EPHA4: variants seen among roughly 807,000 people sequenced by gnomAD.
EPHA4 encodes the protein EPH receptor A4.
A neutral mutation model predicts 108.3 loss-of-function variants in EPHA4; 19 were observed. The observed-to-expected ratio is 0.18, with a 90% CI of 0.12 to 0.26. EPHA4 has a LOEUF of 0.26. Ranked by LOEUF, EPHA4 falls within the 10% of genes least tolerant of loss-of-function variation. The pLI is 1.00. For synonymous variants in EPHA4, 449 were observed against 455.5 expected (o/e 0.99, Z 0.18); for missense variants, 917 against 1,254.0 (o/e 0.73, Z 4.06).
At chr2:221,464,751 TA>T (rs1202399774) in intron 5 of EPHA4, among the ~76,000 whole-genome samples, 1 of 152,128 alleles carries the variant, frequency 6.6e-6, no homozygotes, top group Non-Finnish European at 1.5e-5. Flanking sequence ...ATCATCAAAG[TA>T]AAAAGTCAGC....
Position 221,566,877 on chromosome 2 carries a change from G to GAA in EPHA4, c.159+1840_159+1841insTT, listed in dbSNP as rs1341148496. Among the ~76,000 whole-genome samples the GAA allele has an allele frequency of 2.1e-3, 48 of 23,084 alleles. 1 individual carries two copies. The highest frequency in any genetic ancestry group is 0.015 in the Middle Eastern group (1 of 68). 15.1% of individuals were successfully genotyped at this position (23,084 alleles called of 152,430 possible). A position where few individuals can be genotyped will look rare whatever the true frequency, so the allele number is the denominator to read the frequency against. ...AGGAGAAGAAGAAGAAGAAGAAGAA[G>GAA]GAGAAGGAGAAGGAGAAGGAGAAGG... On this transcript the variant is annotated intron_variant, in intron 2 of 17. Coordinates refer to ENST00000281821, the MANE Select transcript of EPHA4 (RefSeq NM_004438.5).
At chr2:221,524,543 T>C (rs1490426384) in intron 3 of EPHA4, among the ~76,000 whole-genome samples, 1 of 152,218 alleles carries the variant, frequency 6.6e-6, no homozygotes, top group Non-Finnish European at 1.5e-5. Context: ...GAATGTCACC[T>C]GGGAAAAGCG....
intron 5 of EPHA4, among the ~76,000 whole-genome samples, chr2:221,467,948 G>A (rs1430213): frequency 0.2 from 30,990 of 152,096 alleles, 3,419 homozygotes; most frequent in East Asian, 0.35. Context: ...CTGGAAGGCA[G>A]TTTAGAAGAA....
At chr2:221,451,440 A>AC (rs1559246519) in intron 8 of EPHA4, among the ~76,000 whole-genome samples, 2 of 152,254 alleles carry the variant, frequency 1.3e-5, no homozygotes, top group African/African-American at 2.4e-5. Flanking sequence ...TTTAAAGATC[A>AC]TTTTAAAAAA....
At chr2:221,509,815 T>C (rs941210685) in intron 3 of EPHA4, among the ~76,000 whole-genome samples, 4 of 152,238 alleles carry the variant, frequency 2.6e-5, no homozygotes, top group African/African-American at 4.8e-5. Context: ...CACTGTCTGG[T>C]GGTCTCTTTT....
intron 11 of EPHA4, among the ~76,000 whole-genome samples, chr2:221,437,685 T>G (rs56099808): frequency 0.23 from 35,049 of 149,818 alleles, 4,145 homozygotes; most frequent in African/African-American, 0.25. Flanking sequence ...GCCAAGACAG[T>G]CGGATTGCCT....
intron 3 of EPHA4, among the ~76,000 whole-genome samples, chr2:221,504,468 T>G (rs1226430001): frequency 6.6e-6 from 1 of 152,084 alleles, no homozygotes; most frequent in Non-Finnish European, 1.5e-5. Context: ...GGATTTTTGA[T>G]GCATTGATGT....
At chr2:221,436,206 A>C (rs1028940715) in intron 13 of EPHA4, among the ~76,000 whole-genome samples, 193 bp downstream of exon 13, 1 of 152,218 alleles carries the variant, frequency 6.6e-6, no homozygotes, top group Non-Finnish European at 1.5e-5. Context: ...ATATGGTCAT[A>C]CATCTACAGT....
At chr2:221,568,072 G>A (rs1180215347) in intron 2 of EPHA4, among the ~76,000 whole-genome samples, 1 of 152,194 alleles carries the variant, frequency 6.6e-6, no homozygotes, top group Non-Finnish European at 1.5e-5. Context: ...TAAATGAAGT[G>A]ATGCTTTTTT....
chr2:221,553,723 A>G (rs576128848), intron 3 of EPHA4, among the ~76,000 whole-genome samples: 3 of 152,366 alleles, frequency 2.0e-5, no homozygotes, highest in East Asian at 3.9e-4. Flanking sequence ...CCTTGCTTCT[A>G]AATTGTTAGC....
At position 221,483,500 on chromosome 2, in the gene EPHA4, T is replaced by TTGTGTGTGTGTGTGTG. The variant is rs58143142; in HGVS notation, c.980-826_980-811dup. ...GAAACTCTTGTTTCTTGATGTAGAT[T>TTGTGTGTGTGTGTGTG]TGTGTGTGTGTGTGTGTGTGTGTGT... On this transcript the variant is annotated intron_variant, in intron 4 of 17. Transcript: ENST00000281821. Among the ~76,000 whole-genome samples, 230 of 143,786 alleles carry TTGTGTGTGTGTGTGTG rather than the reference T, an allele frequency of 1.6e-3. 3 individuals carry two copies. The highest frequency in any genetic ancestry group is 5.7e-3 in the African/African-American group (220 of 38,692). 94.3% of individuals were successfully genotyped at this position (143,786 alleles called of 152,430 possible).
In EPHA4 at chr2:221,443,520, T is replaced by G. The variant is rs1690494689; in HGVS notation, c.1861A>C (p.Ile621Leu). ...ACTCCTATAACTTTTTCAATCTTAA[T>G]GCAGGATGCGTCAATTTCTTTGGCA... Reference protein sequence around the residue: ...EFAKEIDASCIKIEKVIGVGE... With the variant: ...EFAKEIDASCLKIEKVIGVGE... Residue 621 changes from isoleucine to leucine, a missense_variant, in exon 10 of 18, where the codon ATT becomes CTT. Transcript: ENST00000281821. 2 of 1,614,032 alleles carry G rather than the reference T, an allele frequency of 1.2e-6. No individual in the cohort carries two copies. The highest frequency in any genetic ancestry group is 1.7e-6 in the Non-Finnish European group (2 of 1,179,954).
chr2:221,470,613 G>A (rs373636159), intron 5 of EPHA4, among the ~76,000 whole-genome samples: 1 of 84,020 alleles, frequency 1.2e-5, no homozygotes, highest in African/African-American at 5.1e-5. Context: ...TAGGGAACCT[G>A]CTTTTCCCTA....
intron 4 of EPHA4, among the ~76,000 whole-genome samples, chr2:221,494,402 G>C (rs910523871): frequency 2.0e-5 from 3 of 152,142 alleles, no homozygotes; most frequent in Admixed American, 6.5e-5. Context: ...TCAGGAGTTC[G>C]AGACCAGCCT....
intron 3 of EPHA4, among the ~76,000 whole-genome samples, chr2:221,538,006 A>AG (rs530814657): frequency 4.3e-4 from 65 of 152,238 alleles, no homozygotes; most frequent in African/African-American, 1.1e-3. Context: ...CTAAAAAAAA[A>AG]GGGGGGGTTA....
intron 4 of EPHA4, among the ~76,000 whole-genome samples, chr2:221,486,727 C>A (rs1691983618): frequency 7.2e-6 from 1 of 138,924 alleles, no homozygotes; most frequent in South Asian, 2.5e-4. Context: ...GAGTGAGACT[C>A]TGTCTCAAAA....
chr2:221,494,247 T>C (rs1203873590), intron 4 of EPHA4, among the ~76,000 whole-genome samples: 1 of 152,168 alleles, frequency 6.6e-6, no homozygotes, highest in African/African-American at 2.4e-5. Flanking sequence ...GCAAAGCCAA[T>C]TTACTACCTT....
chr2:221,558,221 G>A (rs1694358078), intron 3 of EPHA4, among the ~76,000 whole-genome samples: 1 of 152,112 alleles, frequency 6.6e-6, no homozygotes, highest in Non-Finnish European at 1.5e-5. Flanking sequence ...TATTTGAGTT[G>A]CCTGCCAAAT....
chr2:221,517,933 G>C, intron 3 of EPHA4, among the ~76,000 whole-genome samples: 1 of 152,298 alleles, frequency 6.6e-6, no homozygotes, highest in South Asian at 2.1e-4. Context: ...CTTCCTGAGC[G>C]TGATTCAAAC....
Sources: gnomAD v4.1 joint callset for allele counts (sites outside exome capture counted in the v4.1 genomes callset) on GRCh38, gnomAD v4.1.1 for gene constraint, MANE v1.5 for transcripts, NCBI Gene and HGNC (gene_info 2026-07-23, HGNC 2026-07-21) for gene names.